Variants in EXOC3L4 observed in about 807,000 individuals in gnomAD.
EXOC3L4 encodes exocyst complex component 3-like protein 4.
Under a neutral mutation model 69.7 loss-of-function variants are expected in EXOC3L4, and 62 were observed. The ratio of observed to expected loss-of-function variants is 0.89; its 90% confidence interval spans 0.72 to 1.10. The LOEUF (loss-of-function observed/expected upper bound fraction) is 1.10. EXOC3L4 is among the 50% of genes least tolerant of loss of function. The pLI, the probability that EXOC3L4 is intolerant of heterozygous loss-of-function variation, is 0.00. For missense variants in EXOC3L4, 1,087 were observed against 1,034.8 expected, an observed-to-expected ratio of 1.05 and a Z score of -0.69; for synonymous variants, 502 against 464.2, an observed-to-expected ratio of 1.08 and a Z score of -1.05.
In EXOC3L4 at chr14:103,097,130, G is replaced by A. The variant is rs1441121893; in HGVS notation, c.-17+2290G>A. On this transcript the variant is annotated intron_variant, in intron 1 of 11. Coordinates refer to ENST00000688303, the MANE Select transcript of EXOC3L4 (RefSeq NM_001077594.2). The surrounding 1 kb of genome is among the most constrained non-coding windows in gnomAD (Gnocchi z 4.9). ...AGCGGGGAGTAGAAGCTGAGGCTGG[G>A]GGTAGGGAGGGTGGGGAAGTTCGGA... Among the ~76,000 whole-genome samples, 2 of 151,792 alleles carry A rather than the reference G, an allele frequency of 1.3e-5. No homozygotes were observed. The highest frequency in any genetic ancestry group is 2.9e-5 in the Non-Finnish European group (2 of 67,936).
rs755961447 is a variant in EXOC3L4, at chr14:103,102,312, G to A, written c.589G>A (p.Val197Met). 5.1e-6 allele frequency: 8 copies of A among 1,568,434 alleles called. No individual in the cohort carries two copies. The South Asian group carries it at 6.9e-5, about 14-fold the overall frequency. ...GCTGGCAGCCGAGATCGGCGCCATC[G>A]TGCGCGAGACGCTGGACAGCGACGG... is the stretch of plus-strand genomic sequence containing the variant. ...DGLAAEIGAIVRETLDSDGVD... is the reference protein window; with the variant it reads ...DGLAAEIGAIMRETLDSDGVD... Residue 197 changes from valine to methionine, a missense_variant, in exon 3 of 12, where the codon GTG becomes ATG. By Grantham distance (21) the Val-to-Met change is conservative. Transcript: ENST00000688303.
rs954923610 is a variant in EXOC3L4 at position 103,097,704 on chromosome 14, G to A, written c.-16-2500G>A. ...ACCCACTGAGCAGATAGATGGTGAC[G>A]GCCGGTGGTGCAAGGCATCTGAACC... On this transcript the variant is annotated intron_variant, in intron 1 of 11. Transcript: ENST00000688303. This position sits in a 1 kb window ranked among gnomAD's most constrained non-coding sequence, Gnocchi z 4.9. Among the ~76,000 whole-genome samples the A allele has an allele frequency of 7.9e-5, 12 of 152,316 alleles. No individual in the cohort carries two copies. The East Asian group carries it at 1.2e-3, about 15-fold the overall frequency.
intron 2 of EXOC3L4, 110 bp downstream of exon 2, chr14:103,100,723 C>T (rs1360246759): frequency 9.8e-6 from 13 of 1,324,942 alleles, no homozygotes; most frequent in African/African-American, 1.5e-5. Flanking sequence ...CAAACCCTGC[C>T]CCCGAACATG....
At position 103,106,904 on chromosome 14, in the gene EXOC3L4, CTG is replaced by C. The variant is rs1379125321; in HGVS notation, c.1581+8_1581+9del. The C allele has an allele frequency of 1.3e-6, 2 of 1,552,970 alleles. No homozygotes were observed. Among genetic ancestry groups the C allele is most frequent in the Non-Finnish European group, 8.7e-7 (1 of 1,146,448 alleles). ...GGCTTGCAGCGTGAGTTGCAGGTGA[CTG>C]TGATAGGCCCTCTCTCCCTACTTCC... On this transcript the variant is annotated splice_donor_region_variant and intron_variant, in intron 8 of 11. Transcript: ENST00000688303.
chr14:103,103,797 C>CGCGCGCGTGTGT (rs763940116), intron 3 of EXOC3L4, 144 bp from the exon 4 acceptor site: 4 of 397,606 alleles, frequency 1.0e-5, no homozygotes, highest in African/African-American at 9.5e-5. Flanking sequence ...GGCGCGCGCG[C>CGCGCGCGTGTGT]GTGTGTGTGT....
Position 103,096,904 on chromosome 14 carries a change from G to A in EXOC3L4, c.-17+2064G>A, listed in dbSNP as rs752529748. Among the ~76,000 whole-genome samples the A allele has an allele frequency of 1.2e-3, 185 of 152,348 alleles. 1 individual carries two copies. Among genetic ancestry groups the A allele is most frequent in the Non-Finnish European group, 1.6e-3 (110 of 68,030 alleles). On this transcript the variant is annotated intron_variant, in intron 1 of 11. Coordinates refer to ENST00000688303, the MANE Select transcript of EXOC3L4 (RefSeq NM_001077594.2). ...CAGGTGAAGGTGGATGGCAGGTGGG[G>A]AAGTGAGAGGGGACAAGCCCCGCAC...
Position 103,104,362 on chromosome 14 carries a change from G to A in EXOC3L4, c.1257G>A (p.Gln419=), listed in dbSNP as rs1390665332. The A allele has an allele frequency of 6.3e-7, 1 of 1,586,888 alleles. No individual in the cohort carries two copies. Residue 419 remains glutamine, a synonymous_variant, in exon 5 of 12, where the codon CAG becomes CAA. Transcript: ENST00000688303. ...EVPEVLQGLY[Q]APLSMDVHML... ...CCGAGGTGCTGCAGGGCCTCTACCA[G>A]GCGCCGCTGTCCATGGACGTCCATA...
chr14:103,109,152 C>G (rs1345478525), intron 11 of EXOC3L4, among the ~76,000 whole-genome samples: 13 of 145,576 alleles, frequency 8.9e-5, no homozygotes, highest in African/African-American at 3.1e-4. Flanking sequence ...CCCCCTCCCT[C>G]CCTCTCCACC....
chr14:103,108,544 C>T (rs1256186698), intron 11 of EXOC3L4, 27 bp downstream of exon 11: 1 of 1,607,364 alleles, frequency 6.2e-7, no homozygotes, highest in Non-Finnish European at 8.5e-7. Flanking sequence ...CTTCCACTAG[C>T]TTCCTACCAG....
At chr14:103,098,063 G>A (rs1042268447) in intron 1 of EXOC3L4, among the ~76,000 whole-genome samples, 2 of 152,110 alleles carry the variant, frequency 1.3e-5, no homozygotes, top group African/African-American at 2.4e-5. Flanking sequence ...CTGCAGGGTC[G>A]AAGGTGGCAT....
At position 103,102,406 on chromosome 14, in the gene EXOC3L4, C is replaced by T. The variant is rs1339416221; in HGVS notation, c.683C>T (p.Pro228Leu). Residue 228 changes from proline to leucine, a missense_variant, in exon 3 of 12, where the codon CCC becomes CTC. Transcript: ENST00000688303. ...GCGGAGGAGGAAGCCCACCCTTCTC[C>T]CCCCGACGACGGCGACTTCCTGCGC... ...VSAEEEAHPS[P>L]PDDGDFLRTP... 2 of 1,536,688 alleles carry T rather than the reference C, an allele frequency of 1.3e-6. 1 individual carries two copies. The highest frequency in any genetic ancestry group is 5.1e-5 in the East Asian group (2 of 39,596).
At position 103,102,440 on chromosome 14, in the gene EXOC3L4, C is replaced by T; in HGVS notation, c.717C>T (p.Arg239=). The T allele has an allele frequency of 6.6e-7, 1 of 1,508,682 alleles. No individual in the cohort carries two copies. Among genetic ancestry groups the T allele is most frequent in the Non-Finnish European group, 8.8e-7 (1 of 1,137,262 alleles). 93.5% of individuals were successfully genotyped at this position (1,508,682 alleles called of 1,614,324 possible). A position where few individuals can be genotyped will look rare whatever the true frequency, so the allele number is the denominator to read the frequency against. ...ACGGCGACTTCCTGCGCACGCCGCG[C>T]CGCTGGCGCCAGCACTGGGAGGAGG... ...PDDGDFLRTP[R]RWRQHWEEAV... is the part of the protein sequence containing the mutation. The change falls in exon 3 of 12, where the codon CGC becomes CGT. Residue 239 remains arginine (R), a synonymous_variant. Coordinates refer to ENST00000688303, the MANE Select transcript of EXOC3L4 (RefSeq NM_001077594.2).
At chr14:103,102,912 A>G (rs1324917315) in intron 3 of EXOC3L4, 140 bp downstream of exon 3, 4 of 888,040 alleles carry the variant, frequency 4.5e-6, no homozygotes, top group Non-Finnish European at 6.0e-6. Flanking sequence ...GGGCTTCGAC[A>G]TGCTTTCCTC....
In EXOC3L4 at chr14:103,110,460, A is replaced by T. The variant is rs768720942; in HGVS notation, c.*237A>T. ...GGCCGCAGAGCTCTCAATGCTGCCT[A>T]TCGGGCGGGGGGGGGCCTCCCGCCC... On this transcript the variant is annotated 3_prime_UTR_variant, in exon 12 of 12. Coordinates refer to ENST00000688303, the MANE Select transcript of EXOC3L4 (RefSeq NM_001077594.2). The T allele has an allele frequency of 7.4e-5, 43 of 577,262 alleles. No individual in the cohort carries two copies. The highest frequency in any genetic ancestry group is 5.5e-4 in the South Asian group (35 of 63,376). 35.8% of individuals were successfully genotyped at this position (577,262 alleles called of 1,614,324 possible). A position where few individuals can be genotyped will look rare whatever the true frequency, so the allele number is the denominator to read the frequency against.
At chr14:103,108,235 C>G (rs970464571) in intron 10 of EXOC3L4, among the ~76,000 whole-genome samples, 161 bp from the exon 11 acceptor site, 1 of 152,154 alleles carries the variant, frequency 6.6e-6, no homozygotes, top group Non-Finnish European at 1.5e-5. Context: ...GGCACGCTCC[C>G]GTTCTGTTTT....
Position 103,110,164 on chromosome 14 carries a change from G to A in EXOC3L4, c.2110G>A (p.Val704Met), listed in dbSNP as rs758721224. ...GGGTGCGGAGGCCCCTCGGGGCCGC[G>A]TGCTCTTCGAGGAGATCAAGGTGCC... ...AAGAEAPRGR[V>M]LFEEIKVPSA... is the part of the protein sequence containing the mutation. The change falls in exon 12 of 12, where the codon GTG becomes ATG. Residue 704 changes from valine to methionine, a missense_variant. Val to Met is a conservative substitution (Grantham distance 21, BLOSUM62 1). Transcript: ENST00000688303. 29 of 1,538,738 alleles carry A rather than the reference G, an allele frequency of 1.9e-5. 1 individual carries two copies. The highest frequency in any genetic ancestry group is 7.3e-5 in the South Asian group (6 of 82,678).
In EXOC3L4 at chr14:103,102,370, G is replaced by T; in HGVS notation, c.647G>T (p.Arg216Leu). ...GCGGCCGCGCTGGCCGAGCTGGCCCGCGTGGTGAGCGCGGAGGAGGAAGCC... is the reference window on the plus strand; with the variant it reads ...GCGGCCGCGCTGGCCGAGCTGGCCCTCGTGGTGAGCGCGGAGGAGGAAGCC... The part of the protein sequence containing the change: ...VDAAALAELA[R>L]VVSAEEEAHP... The change falls in exon 3 of 12, where the codon CGC becomes CTC. Residue 216 changes from arginine (R) to leucine (L), a missense_variant. Physicochemically the swap from Arg to Leu is moderately radical, Grantham distance 102 (BLOSUM62 -2). Transcript: ENST00000688303. 6.4e-7 allele frequency: 1 copy of T among 1,561,026 alleles called. No individual in the cohort carries two copies. Among genetic ancestry groups the T allele is most frequent in the Non-Finnish European group, 8.6e-7 (1 of 1,160,392 alleles).
At chr14:103,107,210 A>G (rs139648762) in intron 8 of EXOC3L4, among the ~76,000 whole-genome samples, 16 of 152,210 alleles carry the variant, frequency 1.1e-4, no homozygotes, top group Non-Finnish European at 1.6e-4. Flanking sequence ...CCCTGAGCAG[A>G]TCTGACTGCA....
At position 103,095,994 on chromosome 14, in the gene EXOC3L4, T is replaced by G. The variant is rs142694459; in HGVS notation, c.-17+1154T>G. Among the ~76,000 whole-genome samples, 636 of 152,290 alleles carry G rather than the reference T, an allele frequency of 4.2e-3. 7 individuals carry two copies. Among genetic ancestry groups the G allele is most frequent in the African/African-American group, 0.014 (595 of 41,560 alleles). ...GTAAGAATGGTGAGAACAAACATCC[T>G]TGTCATTTTCCTTATTTGCAGGGGC... On this transcript the variant is annotated intron_variant, in intron 1 of 11. Transcript: ENST00000688303.
Sources: allele counts gnomAD v4.1 joint callset (sites outside exome capture counted in the v4.1 genomes callset), GRCh38; gene constraint gnomAD v4.1.1; non-coding constraint Gnocchi (gnomAD v3.1); transcripts MANE v1.5; gene names NCBI Gene and HGNC (gene_info 2026-07-23, HGNC 2026-07-21).